The following RYR3 variants were observed in gnomAD, a reference collection of about 807,000 sequenced individuals.
RYR3 encodes the protein ryanodine receptor 3, also known as brain ryanodine receptor-calcium release channel.
A neutral mutation model predicts 584.3 loss-of-function variants in RYR3; 207 were observed. The ratio of observed to expected loss-of-function variants is 0.35; its 90% CI spans 0.32 to 0.40. RYR3 has a LOEUF of 0.40. RYR3 is among the 10% of genes least tolerant of loss of function. The pLI is 1.00. For synonymous variants in RYR3, 2,416 were observed against 2,248.5 expected (o/e 1.07, Z -2.11); for missense variants, 5,616 against 6,089.2 (o/e 0.92, Z 2.59).
At chr15:33,368,443 G>A (rs201293345) in intron 1 of RYR3, among the ~76,000 whole-genome samples, 1 of 148,486 alleles carries the variant, frequency 6.7e-6, no homozygotes. Context: ...TTTGTGGCTT[G>A]GGGAGACACA....
chr15:33,440,392 G>A (rs1411578341), intron 1 of RYR3, among the ~76,000 whole-genome samples: 1 of 152,206 alleles, frequency 6.6e-6, no homozygotes, highest in Non-Finnish European at 1.5e-5. Flanking sequence ...AATCATCATA[G>A]CCTCTGTCCC....
At chr15:33,714,508 G>A (rs2067347826) in intron 43 of RYR3, among the ~76,000 whole-genome samples, 1 of 152,150 alleles carries the variant, frequency 6.6e-6, no homozygotes, top group Admixed American at 6.5e-5. Flanking sequence ...GCAGTTGCAG[G>A]CACTGTAGCC....
chr15:33,708,910 G>T (rs549735852), intron 43 of RYR3, among the ~76,000 whole-genome samples: 9 of 152,074 alleles, frequency 5.9e-5, no homozygotes, highest in Non-Finnish European at 1.2e-4. Flanking sequence ...CCCATTGGCC[G>T]ATTTAAATAG....
At chr15:33,742,505 G>A in intron 52 of RYR3, 61 bp downstream of exon 52, 1 of 1,094,166 alleles carries the variant, frequency 9.1e-7, no homozygotes, top group Non-Finnish European at 1.4e-6. Flanking sequence ...GAACATTAAA[G>A]GGCCCAGTCC....
At chr15:33,585,857 G>T (rs756953137) in intron 15 of RYR3, 141 bp from the exon 16 acceptor site, 4 of 592,920 alleles carry the variant, frequency 6.7e-6, no homozygotes, top group Non-Finnish European at 1.2e-5. Context: ...TTTTTTTTCT[G>T]GCTGGAAAGA....
intron 43 of RYR3, among the ~76,000 whole-genome samples, chr15:33,710,788 C>G (rs1198096730): frequency 6.6e-6 from 1 of 152,246 alleles, no homozygotes; most frequent in African/African-American, 2.4e-5. Flanking sequence ...CTTGCATTCT[C>G]CAAAGTGGCA....
At chr15:33,474,732 T>C (rs1280730327) in intron 2 of RYR3, among the ~76,000 whole-genome samples, 3 of 152,160 alleles carry the variant, frequency 2.0e-5, no homozygotes, top group African/African-American at 7.2e-5. Context: ...GGTAACATTT[T>C]CCAAAAGACC....
At chr15:33,324,281 C>T (rs975609633) in intron 1 of RYR3, among the ~76,000 whole-genome samples, 1 of 152,112 alleles carries the variant, frequency 6.6e-6, no homozygotes, top group African/African-American at 2.4e-5. Flanking sequence ...ACCACTAAGG[C>T]ACTGGCAGAT....
rs16970389 is a variant in RYR3, at chr15:33,378,287, T to C, written c.51+67191T>C. Among the ~76,000 whole-genome samples, 1,481 of 152,336 alleles carry C rather than the reference T, an allele frequency of 9.7e-3. 29 individuals carry two copies. Among genetic ancestry groups the C allele is most frequent in the African/African-American group, 0.034 (1,401 of 41,584 alleles). On this transcript the variant is annotated intron_variant, in intron 1 of 103. Coordinates refer to ENST00000634891, the MANE Select transcript of RYR3 (RefSeq NM_001036.6). ...TTCCACAGATCTTGGGGACTCTTGATGAGACCAGAACATCCAAACTGAAAC... is the reference window on the plus strand; with the variant it reads ...TTCCACAGATCTTGGGGACTCTTGACGAGACCAGAACATCCAAACTGAAAC...
At chr15:33,596,132 TC>T (rs2059360280) in intron 16 of RYR3, among the ~76,000 whole-genome samples, 1 of 152,024 alleles carries the variant, frequency 6.6e-6, no homozygotes, top group South Asian at 2.1e-4. Flanking sequence ...TATTCCTGGT[TC>T]CTTTTACCTT....
chr15:33,767,979 G>C (rs1403633391), intron 60 of RYR3, among the ~76,000 whole-genome samples: 1 of 152,212 alleles, frequency 6.6e-6, no homozygotes, highest in Non-Finnish European at 1.5e-5. Flanking sequence ...TGAACCTTCA[G>C]TGGTTCCACA....
At chr15:33,782,851 C>A (rs1008611819) in intron 65 of RYR3, among the ~76,000 whole-genome samples, 4 of 152,108 alleles carry the variant, frequency 2.6e-5, no homozygotes, top group South Asian at 2.1e-4. Flanking sequence ...TTAAGATATA[C>A]CTAGAAAAAG....
At chr15:33,782,152 AAG>A (rs1390813112) in intron 65 of RYR3, among the ~76,000 whole-genome samples, 1 of 151,460 alleles carries the variant, frequency 6.6e-6, no homozygotes, top group Non-Finnish European at 1.5e-5. Context: ...CACCTGGGGA[AAG>A]AGAGAAACTG....
chr15:33,802,500 C>A (rs909567583), intron 69 of RYR3, among the ~76,000 whole-genome samples: 1 of 124,152 alleles, frequency 8.1e-6, no homozygotes, highest in African/African-American at 3.1e-5. Context: ...TGTCCATTTC[C>A]TTTAGGAAAT....
intron 3 of RYR3, among the ~76,000 whole-genome samples, chr15:33,510,794 T>G (rs1027573396): frequency 1.3e-5 from 2 of 152,194 alleles, no homozygotes; most frequent in African/African-American, 4.8e-5. Context: ...TCATTAAACA[T>G]GTACATCCTC....
intron 66 of RYR3, among the ~76,000 whole-genome samples, chr15:33,787,715 T>C (rs2074826193): frequency 6.6e-6 from 1 of 152,188 alleles, no homozygotes; most frequent in African/African-American, 2.4e-5. Flanking sequence ...GTTTCAAGTG[T>C]TGAGGCTGAG....
At chr15:33,408,605 C>A (rs1196156872) in intron 1 of RYR3, among the ~76,000 whole-genome samples, 3 of 152,204 alleles carry the variant, frequency 2.0e-5, no homozygotes, top group African/African-American at 7.2e-5. Flanking sequence ...AACTAAGTTA[C>A]TTTCTCACTA....
At chr15:33,857,118 C>G (rs771475454) in intron 98 of RYR3, among the ~76,000 whole-genome samples, 9 of 152,212 alleles carry the variant, frequency 5.9e-5, no homozygotes, top group Non-Finnish European at 8.8e-5. Flanking sequence ...TACGCCCAAT[C>G]TAATGCCCTA....
At position 33,831,108 on chromosome 15, in the gene RYR3, G is replaced by T. The variant is rs769031013; in HGVS notation, c.11463+17G>T. ...TACATCCAGGTATGTGCTACAGAGTGCATGGTTGAAAACAAAGAGAACATT... is the reference window on the plus strand; with the variant it reads ...TACATCCAGGTATGTGCTACAGAGTTCATGGTTGAAAACAAAGAGAACATT... On this transcript the variant is annotated intron_variant, in intron 86 of 103. Coordinates refer to ENST00000634891, the MANE Select transcript of RYR3 (RefSeq NM_001036.6). The T allele has an allele frequency of 9.9e-6, 16 of 1,608,242 alleles. No homozygotes were observed. The African/African-American group carries it at 1.2e-4, about 12-fold the overall frequency.
Sources: gnomAD v4.1 joint callset for allele counts (sites outside exome capture counted in the v4.1 genomes callset) on GRCh38, gnomAD v4.1.1 for gene constraint, MANE v1.5 for transcripts, NCBI Gene and HGNC (gene_info 2026-07-23, HGNC 2026-07-21) for gene names.